MTUS2: variants seen among roughly 807,000 people sequenced by gnomAD.
MTUS2 encodes microtubule associated scaffold protein 2, also known as microtubule-associated tumor suppressor candidate 2.
MTUS2 carries 40 observed loss-of-function variants against 114.1 expected under a neutral mutation model. The observed-to-expected ratio is 0.35, with a 90% confidence interval of 0.27 to 0.46. MTUS2 has a LOEUF of 0.46. Ranked by LOEUF, MTUS2 falls within the 20% of genes least tolerant of loss-of-function variation. The pLI is 1.00. For synonymous variants in MTUS2, 688 were observed against 672.0 expected (o/e 1.02, Z -0.37); for missense variants, 1,679 against 1,705.4 (o/e 0.98, Z 0.27).
chr13:29,253,293 G>A (rs1440722967), intron 5 of MTUS2, among the ~76,000 whole-genome samples: 1 of 151,828 alleles, frequency 6.6e-6, no homozygotes, highest in African/African-American at 2.4e-5. Context: ...AGGTGTGGTG[G>A]CACACACCTG....
intron 1 of MTUS2, among the ~76,000 whole-genome samples, chr13:28,826,372 G>A (rs1874270631): frequency 6.6e-6 from 1 of 152,066 alleles, no homozygotes; most frequent in African/African-American, 2.4e-5. Flanking sequence ...TTTATCTGTT[G>A]AGAGATTTTA....
intron 1 of MTUS2, among the ~76,000 whole-genome samples, chr13:28,827,919 G>A (rs1397254559): frequency 6.6e-6 from 1 of 152,182 alleles, no homozygotes; most frequent in Non-Finnish European, 1.5e-5. Flanking sequence ...AATCGCTAAT[G>A]AAGTTTTGGG....
chr13:29,358,924 A>C (rs866034252), intron 7 of MTUS2, among the ~76,000 whole-genome samples: 1 of 147,762 alleles, frequency 6.8e-6, no homozygotes. Context: ...TTAATTTCCC[A>C]TTAGACATTG....
At chr13:29,500,213 T>G (rs1417035422) in intron 14 of MTUS2, among the ~76,000 whole-genome samples, 8 of 152,214 alleles carry the variant, frequency 5.3e-5, no homozygotes, top group Admixed American at 5.2e-4. Flanking sequence ...CTCGATCACT[T>G]CATCTCCTGG....
chr13:29,477,259 A>G lies in MTUS2; in HGVS notation c.3185-2891A>G, dbSNP rs964675595. On this transcript the variant is annotated intron_variant, in intron 9 of 15. Transcript: ENST00000612955. ...ATCACCGTTTTTTAATTGACATTCT[A>G]TGGTCTTTGTTCTATTCTCTCAACA... Among the ~76,000 whole-genome samples the G allele has an allele frequency of 7.9e-5, 12 of 152,148 alleles. No individual in the cohort carries two copies. In the East Asian group the frequency reaches 2.1e-3, roughly 27 times the overall value.
intron 2 of MTUS2, among the ~76,000 whole-genome samples, chr13:29,000,486 C>T (rs1885334596): frequency 6.6e-6 from 1 of 152,062 alleles, no homozygotes; most frequent in African/African-American, 2.4e-5. Context: ...CCTGAGCCTC[C>T]CAAGTAGCTG....
chr13:29,076,791 TCACTGGAGAGCCAC>T lies in MTUS2; in HGVS notation c.2447-23979_2447-23966del, dbSNP rs377620618. Among the ~76,000 whole-genome samples the T allele has an allele frequency of 5.3e-5, 8 of 152,298 alleles. 1 individual carries two copies. Among genetic ancestry groups the T allele is most frequent in the African/African-American group, 1.9e-4 (8 of 41,568 alleles). ...CAGCCCTGATTCACTGGTGTGAGGA[TCACTGGAGAGCCAC>T]CATCTTGGAAGTTAGCTCCTGTGCA... On this transcript the variant is annotated intron_variant, in intron 4 of 15. Coordinates refer to ENST00000612955, the MANE Select transcript of MTUS2 (RefSeq NM_001033602.4).
intron 5 of MTUS2, among the ~76,000 whole-genome samples, chr13:29,169,899 C>T (rs73445200): frequency 0.025 from 3,783 of 152,272 alleles, 174 homozygotes; most frequent in African/African-American, 0.086. Context: ...CCTATTGCCT[C>T]GCCTAGCTAA....
intron 1 of MTUS2, 122 bp from the exon 2 acceptor site, chr13:28,839,656 G>A (rs1387828916): frequency 6.6e-6 from 1 of 152,164 alleles, no homozygotes; most frequent in East Asian, 1.9e-4. Context: ...TTGTTGCATA[G>A]ATTCAGGGAC....
intron 5 of MTUS2, among the ~76,000 whole-genome samples, chr13:29,154,437 A>G (rs1168534704): frequency 1.3e-5 from 2 of 152,232 alleles, no homozygotes; most frequent in Non-Finnish European, 2.9e-5. Context: ...CATCTCATAC[A>G]TTATTAAACA....
At chr13:29,192,276 G>A (rs890842515) in intron 5 of MTUS2, among the ~76,000 whole-genome samples, 1 of 152,168 alleles carries the variant, frequency 6.6e-6, no homozygotes, top group African/African-American at 2.4e-5. Context: ...CTAGGTATGT[G>A]ACTCTGTTCA....
At chr13:29,096,298 G>A (rs1175282624) in intron 4 of MTUS2, among the ~76,000 whole-genome samples, 1 of 152,154 alleles carries the variant, frequency 6.6e-6, no homozygotes, top group African/African-American at 2.4e-5. Context: ...GTGTTACATT[G>A]TCTTCCTCCC....
chr13:29,246,594 G>A (rs1174337249), intron 5 of MTUS2, among the ~76,000 whole-genome samples: 3 of 152,154 alleles, frequency 2.0e-5, no homozygotes, highest in Non-Finnish European at 4.4e-5. Context: ...CCTTGCTATG[G>A]CTTCTTTTCT....
intron 1 of MTUS2, among the ~76,000 whole-genome samples, chr13:28,833,920 G>T (rs1272358219): frequency 1.3e-5 from 2 of 152,016 alleles, no homozygotes; most frequent in Non-Finnish European, 2.9e-5. Context: ...ATTTCCATTT[G>T]TAATAGTATC....
At chr13:29,318,406 A>ATTTT (rs1900109765) in intron 6 of MTUS2, among the ~76,000 whole-genome samples, 1 of 78,346 alleles carries the variant, frequency 1.3e-5, no homozygotes. Flanking sequence ...TTTTTTTGAG[A>ATTTT]TGACAGCCTC....
chr13:29,263,160 G>A (rs1897539892), intron 5 of MTUS2, among the ~76,000 whole-genome samples: 1 of 152,184 alleles, frequency 6.6e-6, no homozygotes, highest in African/African-American at 2.4e-5. Flanking sequence ...TACTGTTAAA[G>A]ACTTTGCTTT....
At chr13:29,479,904 G>C (rs1881022910) in intron 9 of MTUS2, among the ~76,000 whole-genome samples, 1 of 152,206 alleles carries the variant, frequency 6.6e-6, no homozygotes, top group Admixed American at 6.5e-5. Context: ...TCCTTCTCCA[G>C]CCGCTGGATG....
intron 6 of MTUS2, among the ~76,000 whole-genome samples, chr13:29,286,664 G>GTCTA (rs1481599709): frequency 2.6e-5 from 2 of 76,396 alleles, no homozygotes; most frequent in African/African-American, 1.2e-4. Context: ...CTGTCTGTCT[G>GTCTA]TCTGTCTGTC....
At chr13:29,232,240 C>CA (rs1896351353) in intron 5 of MTUS2, among the ~76,000 whole-genome samples, 1 of 151,706 alleles carries the variant, frequency 6.6e-6, no homozygotes, top group South Asian at 2.1e-4. Flanking sequence ...ACATGATTTC[C>CA]AAAAACAATG....
Sources: gnomAD v4.1 joint callset for allele counts (sites outside exome capture counted in the v4.1 genomes callset) on GRCh38, gnomAD v4.1.1 for gene constraint, MANE v1.5 for transcripts, NCBI Gene and HGNC (gene_info 2026-07-23, HGNC 2026-07-21) for gene names.